GPT2: variants seen among roughly 807,000 people sequenced by gnomAD.
GPT2 encodes alanine aminotransferase 2.
A neutral mutation model predicts 56.9 loss-of-function variants in GPT2; 30 were observed. The observed-to-expected ratio is 0.53, with a 90% CI of 0.39 to 0.72. The LOEUF (loss-of-function observed/expected upper bound fraction) is 0.72. Ranked by LOEUF, GPT2 falls within the 30% of genes least tolerant of loss-of-function variation. The probability of loss-of-function intolerance (pLI) is 0.00; values close to 1 mark genes in which losing one functional copy is unlikely to be tolerated. For missense variants in GPT2, 542 were observed against 703.4 expected, an observed-to-expected ratio of 0.77 and a Z score of 2.60; for synonymous variants, 271 against 283.1, an observed-to-expected ratio of 0.96 and a Z score of 0.43.
intron 2 of GPT2, among the ~76,000 whole-genome samples, chr16:46,886,325 T>C (rs1042123472): frequency 1.3e-5 from 2 of 152,196 alleles, no homozygotes; most frequent in African/African-American, 2.4e-5. Context: ...TTTATCACGT[T>C]ACAGCTGATT....
intron 3 of GPT2, among the ~76,000 whole-genome samples, chr16:46,899,465 C>T (rs574412889): frequency 3.9e-5 from 6 of 152,266 alleles, no homozygotes; most frequent in African/African-American, 1.4e-4. Context: ...GGGCTCAGCC[C>T]ACAGCCCCTG....
intron 3 of GPT2, among the ~76,000 whole-genome samples, chr16:46,898,992 AAC>A (rs1555484808): frequency 3.2e-5 from 2 of 62,324 alleles, no homozygotes; most frequent in African/African-American, 9.8e-5. Flanking sequence ...ATATATATAT[AAC>A]ACACATATAT....
intron 6 of GPT2, among the ~76,000 whole-genome samples, chr16:46,912,626 G>A (rs1437649016): frequency 6.6e-6 from 1 of 152,230 alleles, no homozygotes; most frequent in Non-Finnish European, 1.5e-5. Context: ...CAGTTCTGCA[G>A]ACTGTACAGG....
chr16:46,885,213 C>T, intron 2 of GPT2: 8 of 1,245,114 alleles, frequency 6.4e-6, no homozygotes, highest in Non-Finnish European at 8.0e-6. Flanking sequence ...GCCGTGCTGC[C>T]AGGCACCGCA....
rs759022037 is a variant in GPT2, at chr16:46,918,620, G to A, written c.901-1G>A. ...TGACCGTCCCTGCCGTGCCCCCGCA[G>A]GTGTACCAGGACAACGTGTACTCTC... On this transcript the variant is annotated splice_acceptor_variant, in intron 7 of 11. Coordinates refer to ENST00000340124, the MANE Select transcript of GPT2 (RefSeq NM_133443.4). LOFTEE classifies it high-confidence loss of function. 1 of 1,614,100 alleles carries A rather than the reference G, an allele frequency of 6.2e-7. No individual in the cohort carries two copies. Among genetic ancestry groups the A allele is most frequent in the East Asian group, 2.2e-5 (1 of 44,890 alleles).
Position 46,922,368 on chromosome 16 carries a change from C to A in GPT2, c.1164C>A (p.Val388=), listed in dbSNP as rs984057313. ...CTGGGCAGGCCGCCATGGACATTGT[C>A]GTGAACCCCCCGGTGGCAGGAGAGG... The part of the protein sequence containing the change: ...PVSGQAAMDI[V]VNPPVAGEES... The change falls in exon 9 of 12, where the codon GTC becomes GTA. Residue 388 remains valine, a synonymous_variant. Transcript: ENST00000340124. 3.7e-6 allele frequency: 6 copies of A among 1,613,718 alleles called. No individual in the cohort carries two copies. The African/African-American group carries it at 8.0e-5, about 22-fold the overall frequency.
chr16:46,900,967 C>T (rs981774082), intron 4 of GPT2, among the ~76,000 whole-genome samples, 177 bp downstream of exon 4: 16 of 152,304 alleles, frequency 1.1e-4, no homozygotes, highest in South Asian at 6.2e-4. Flanking sequence ...TTGCTGGCCT[C>T]GTTTATTAAG....
rs1372479791 is a variant in GPT2 at position 46,930,231 on chromosome 16, T to G, written c.*1234T>G. 6.6e-6 allele frequency: 1 copy of G among 152,498 alleles called. No individual in the cohort carries two copies. The highest frequency in any genetic ancestry group is 1.5e-5 in the Non-Finnish European group (1 of 68,198). 9.4% of individuals were successfully genotyped at this position (152,498 alleles called of 1,614,324 possible). The stretch of plus-strand genomic sequence containing the variant: ...CCCCCAGCATGCGGCTTCTCTGCCA[T>G]TAGCAGCCCTGGGCGGGCCGACCAC... On this transcript the variant is annotated 3_prime_UTR_variant, in exon 12 of 12. Coordinates refer to ENST00000340124, the MANE Select transcript of GPT2 (RefSeq NM_133443.4).
chr16:46,896,621 G>A (rs1041525552), intron 2 of GPT2, among the ~76,000 whole-genome samples: 2 of 152,174 alleles, frequency 1.3e-5, no homozygotes, highest in Non-Finnish European at 2.9e-5. Context: ...TGCGCCTGGG[G>A]CAGGATGCAG....
At position 46,884,400 on chromosome 16, in the gene GPT2, C is replaced by A; in HGVS notation, c.-90C>A. 1 of 215,870 alleles carries A rather than the reference C, an allele frequency of 4.6e-6. No homozygotes were observed. The highest frequency in any genetic ancestry group is 1.6e-4 in the South Asian group (1 of 6,166). 13.4% of individuals were successfully genotyped at this position (215,870 alleles called of 1,614,324 possible). ...GGCGCGGGGATGCGGCTGTGGGCGC[C>A]GGGGCCGGGTAGCTGCTCCAGGCGC... On this transcript the variant is annotated 5_prime_UTR_variant, in exon 1 of 12. Coordinates refer to ENST00000340124, the MANE Select transcript of GPT2 (RefSeq NM_133443.4).
chr16:46,900,968 G>A (rs977527021), intron 4 of GPT2, among the ~76,000 whole-genome samples, 178 bp downstream of exon 4: 2 of 152,204 alleles, frequency 1.3e-5, no homozygotes, highest in Admixed American at 6.5e-5. Context: ...TGCTGGCCTC[G>A]TTTATTAAGC....
In GPT2 at chr16:46,897,751, A is replaced by G. The variant is rs369380980; in HGVS notation, c.333+14A>G. 1.2e-6 allele frequency: 2 copies of G among 1,612,890 alleles called. No homozygotes were observed. The highest frequency in any genetic ancestry group is 2.7e-5 in the African/African-American group (2 of 74,930). ...TTCCTCCGGCAGGTGAGCCGCCCCC[A>G]GGAGCAGAGGCTGCAGGAGGGCAGG... is the stretch of plus-strand genomic sequence containing the variant. On this transcript the variant is annotated intron_variant, in intron 3 of 11. Transcript: ENST00000340124.
chr16:46,885,153 C>T, intron 2 of GPT2, 195 bp downstream of exon 2: 1 of 1,315,914 alleles, frequency 7.6e-7, no homozygotes, highest in Non-Finnish European at 9.7e-7. Flanking sequence ...CTCAGTGAGG[C>T]CTTGCAATAC....
chr16:46,890,475 G>A (rs946805448), intron 2 of GPT2, among the ~76,000 whole-genome samples: 3 of 152,152 alleles, frequency 2.0e-5, no homozygotes, highest in Non-Finnish European at 4.4e-5. Context: ...GCTACTCATG[G>A]CTGTCACTGG....
intron 10 of GPT2, among the ~76,000 whole-genome samples, chr16:46,924,967 G>A (rs1391082142): frequency 6.6e-6 from 1 of 151,400 alleles, no homozygotes; most frequent in Non-Finnish European, 1.5e-5. Context: ...TCGCTAGATT[G>A]CCCAGGCAGG....
intron 2 of GPT2, among the ~76,000 whole-genome samples, chr16:46,887,556 T>A (rs1960508171): frequency 6.6e-6 from 1 of 152,032 alleles, no homozygotes; most frequent in Non-Finnish European, 1.5e-5. Context: ...GGGCCTCAGG[T>A]TCCCTAGAGT....
In GPT2 at chr16:46,921,457, G is replaced by T. The variant is rs1961285404; in HGVS notation, c.1038-785G>T. On this transcript the variant is annotated intron_variant, in intron 8 of 11. Transcript: ENST00000340124. ...CAAAGTGCTGTGATTACAGGACTGA[G>T]CCACTTCACCCGGCTCCCCCAAAAG... 4.6e-5 allele frequency among the ~76,000 whole-genome samples: 7 copies of T among 152,126 alleles called. No homozygotes were observed. In the South Asian group the frequency reaches 1.2e-3, roughly 27 times the overall value.
At chr16:46,887,707 G>C (rs1960511315) in intron 2 of GPT2, among the ~76,000 whole-genome samples, 1 of 152,166 alleles carries the variant, frequency 6.6e-6, no homozygotes, top group Non-Finnish European at 1.5e-5. Context: ...CCTTCATGCT[G>C]TCTATGGAAT....
Position 46,909,720 on chromosome 16 carries a change from T to A in GPT2, c.613T>A (p.Ser205Thr). ...GATCCTCGTCTCCGGGGGCGGCAAGTCACGGACAGGTGTGATGATCCCCAT... is the reference window on the plus strand; with the variant it reads ...GATCCTCGTCTCCGGGGGCGGCAAGACACGGACAGGTGTGATGATCCCCAT... ...LKILVSGGGK[S>T]RTGVMIPIPQ... Residue 205 changes from serine to threonine, a missense_variant, in exon 6 of 12, where the codon TCA (serine) becomes ACA (threonine). Physicochemically the swap from Ser to Thr is moderately conservative, Grantham distance 58 (BLOSUM62 1). Transcript: ENST00000340124. 2 of 1,614,104 alleles carry A rather than the reference T, an allele frequency of 1.2e-6. No homozygotes were observed. Among genetic ancestry groups the A allele is most frequent in the Non-Finnish European group, 1.7e-6 (2 of 1,180,000 alleles).
Sources: allele counts gnomAD v4.1 joint callset (sites outside exome capture counted in the v4.1 genomes callset), GRCh38; gene constraint gnomAD v4.1.1; transcripts MANE v1.5; gene names NCBI Gene and HGNC (gene_info 2026-07-23, HGNC 2026-07-21).